The following PLCL2 variants were observed in gnomAD, a reference collection of about 807,000 sequenced individuals.
PLCL2 encodes phospholipase C like 2.
In PLCL2, 4 loss-of-function variants were observed where a neutral mutation model predicts 79.6. That is an observed-to-expected ratio of 0.05 (90% CI 0.02 to 0.11). The LOEUF (loss-of-function observed/expected upper bound fraction) is 0.11. PLCL2 is among the 10% of genes least tolerant of loss of function. The pLI is 1.00. For missense variants in PLCL2, 895 were observed against 1,291.0 expected (o/e 0.69, Z 4.70); for synonymous variants, 484 against 457.7 (o/e 1.06, Z -0.73).
intron 1 of PLCL2, among the ~76,000 whole-genome samples, chr3:16,970,210 C>T (rs192620917): frequency 1.3e-5 from 2 of 151,746 alleles, no homozygotes; most frequent in African/African-American, 2.4e-5. Context: ...ATCTCTCCCC[C>T]CTCCCCCCAG....
rs543382322 is a variant in PLCL2 at position 17,003,124 on chromosome 3, CTT to C, written c.328-6549_328-6548del. ...TCTGGCTCTGTTGATTGCTTTATCT[CTT>C]GACAATGTTTTTTTGTTGTTTTTGT... On this transcript the variant is annotated intron_variant, in intron 1 of 5. Coordinates refer to ENST00000615277, the MANE Select transcript of PLCL2 (RefSeq NM_001144382.2). Among the ~76,000 whole-genome samples, 6 of 152,194 alleles carry C rather than the reference CTT, an allele frequency of 3.9e-5. No individual in the cohort carries two copies. The East Asian group carries it at 1.2e-3, about 29-fold the overall frequency.
intron 4 of PLCL2, among the ~76,000 whole-genome samples, chr3:17,051,961 G>A (rs899696215): frequency 1.3e-5 from 2 of 152,094 alleles, no homozygotes; most frequent in Non-Finnish European, 2.9e-5. Context: ...TCAGCATGTA[G>A]ATTAAAGGGT....
chr3:17,042,707 A>T (rs1198852483), intron 3 of PLCL2, 167 bp from the exon 4 acceptor site: 1 of 590,454 alleles, frequency 1.7e-6, no homozygotes, highest in Non-Finnish European at 3.1e-6. Context: ...GGGATGTGTG[A>T]TGTTATCATT....
intron 1 of PLCL2, among the ~76,000 whole-genome samples, chr3:16,909,862 C>T (rs1696835544): frequency 6.6e-6 from 1 of 152,118 alleles, no homozygotes; most frequent in Admixed American, 6.5e-5. Context: ...TCTTCCCTTC[C>T]CATTCCTAGG....
At chr3:17,086,918 A>G (rs568012374) in intron 5 of PLCL2, among the ~76,000 whole-genome samples, 1 of 152,380 alleles carries the variant, frequency 6.6e-6, no homozygotes, top group African/African-American at 2.4e-5. Flanking sequence ...ATCACATGTC[A>G]CTAGGAAATT....
intron 1 of PLCL2, among the ~76,000 whole-genome samples, chr3:16,956,922 TC>T (rs1308921043): frequency 6.6e-6 from 1 of 152,178 alleles, no homozygotes; most frequent in Non-Finnish European, 1.5e-5. Flanking sequence ...TTCTCTCTTT[TC>T]TTCTTTATTA....
rs1204647661 is a variant in PLCL2, at chr3:17,067,895, C to A, written c.3095-61C>A. ...GCTGTACCTAGAAAAAGAAATATTT[C>A]CAGTTCATTACCACAGATTGGATGG... On this transcript the variant is annotated intron_variant, in intron 4 of 5. Coordinates refer to ENST00000615277, the MANE Select transcript of PLCL2 (RefSeq NM_001144382.2). The A allele has an allele frequency of 4.5e-6, 4 of 879,852 alleles. No homozygotes were observed. The African/African-American group carries it at 5.1e-5, about 11-fold the overall frequency. 54.5% of individuals were successfully genotyped at this position (879,852 alleles called of 1,614,324 possible).
chr3:17,087,866 A>G (rs1003839595), intron 5 of PLCL2, among the ~76,000 whole-genome samples: 1 of 152,232 alleles, frequency 6.6e-6, no homozygotes, highest in African/African-American at 2.4e-5. Flanking sequence ...CACAAAGACT[A>G]GTTAGTCTAT....
chr3:16,923,490 G>A (rs1321157608), intron 1 of PLCL2, among the ~76,000 whole-genome samples: 3 of 152,152 alleles, frequency 2.0e-5, no homozygotes, highest in African/African-American at 4.8e-5. Context: ...TTAGCACAGC[G>A]CCCACCTCTC....
chr3:16,902,415 A>G (rs558563308), intron 1 of PLCL2, among the ~76,000 whole-genome samples: 2 of 152,316 alleles, frequency 1.3e-5, no homozygotes, highest in Non-Finnish European at 2.9e-5. Flanking sequence ...TTTCTAAGAG[A>G]AATGATCAGT....
chr3:17,053,358 CA>C (rs1300157682), intron 4 of PLCL2, among the ~76,000 whole-genome samples: 1 of 152,080 alleles, frequency 6.6e-6, no homozygotes, highest in Non-Finnish European at 1.5e-5. Flanking sequence ...CATGAGAACT[CA>C]AAAGGGGGGA....
intron 3 of PLCL2, among the ~76,000 whole-genome samples, chr3:17,018,415 G>A (rs1428427489): frequency 6.6e-6 from 1 of 152,194 alleles, no homozygotes; most frequent in Non-Finnish European, 1.5e-5. Context: ...GTGTCCTTAA[G>A]TACTTCATCC....
chr3:16,913,769 T>A (rs572270098), intron 1 of PLCL2, among the ~76,000 whole-genome samples: 2 of 152,160 alleles, frequency 1.3e-5, no homozygotes, highest in Admixed American at 6.5e-5. Context: ...GCTAAAAAGA[T>A]CTTCATAATA....
chr3:17,022,853 G>A (rs1369909895), intron 3 of PLCL2, among the ~76,000 whole-genome samples: 1 of 152,166 alleles, frequency 6.6e-6, no homozygotes, highest in African/African-American at 2.4e-5. Flanking sequence ...TATGAGGGAG[G>A]TAGATGTCCC....
At position 16,885,320 on chromosome 3, in the gene PLCL2, G is replaced by A; in HGVS notation, c.281G>A (p.Arg94Gln). The A allele has an allele frequency of 1.5e-6, 1 of 665,778 alleles. No individual in the cohort carries two copies. 41.2% of individuals were successfully genotyped at this position (665,778 alleles called of 1,614,324 possible). Reference protein sequence around the residue: ...TPSAVVCTLPRESKPGGLPRR... With the variant: ...TPSAVVCTLPQESKPGGLPRR... ...AGCGCGGTCGTCTGTACCCTCCCCC[G>A]GGAGAGCAAGCCGGGCGGCCTGCCC... Residue 94 changes from arginine (R) to glutamine (Q), a missense_variant, in exon 1 of 6, where the codon CGG (arginine) becomes CAG (glutamine). This residue lies in a region of PLCL2 where 110 missense variants were observed against 42.9 expected (regional missense o/e 2.56). Transcript: ENST00000615277.
At chr3:16,897,982 T>G (rs979043919) in intron 1 of PLCL2, among the ~76,000 whole-genome samples, 7 of 147,774 alleles carry the variant, frequency 4.7e-5, no homozygotes, top group Non-Finnish European at 7.4e-5. Context: ...ATTTATTTTT[T>G]TAGGTCATTT....
At chr3:16,972,043 G>GCTA (rs1457098339) in intron 1 of PLCL2, among the ~76,000 whole-genome samples, 1 of 151,800 alleles carries the variant, frequency 6.6e-6, no homozygotes, top group Non-Finnish European at 1.5e-5. Flanking sequence ...AATAATAAGA[G>GCTA]CTATCTATGA....
At chr3:17,018,390 G>C (rs928315715) in intron 3 of PLCL2, among the ~76,000 whole-genome samples, 4 of 152,174 alleles carry the variant, frequency 2.6e-5, no homozygotes, top group Admixed American at 2.6e-4. Flanking sequence ...AGGCGTCTTT[G>C]TCCCCTTAAG....
chr3:16,977,803 T>C (rs2063942350), intron 1 of PLCL2, among the ~76,000 whole-genome samples: 1 of 152,186 alleles, frequency 6.6e-6, no homozygotes, highest in South Asian at 2.1e-4. Flanking sequence ...GAAAATTTAT[T>C]TCTCACAGTT....
Sources: allele counts gnomAD v4.1 joint callset (sites outside exome capture counted in the v4.1 genomes callset), GRCh38; gene constraint gnomAD v4.1.1; regional missense constraint gnomAD v4.1.1; transcripts MANE v1.5; gene names NCBI Gene and HGNC (gene_info 2026-07-23, HGNC 2026-07-21).